LHFPL2: variants seen among roughly 807,000 people sequenced by gnomAD.
The protein encoded by LHFPL2 is LHFPL tetraspan subfamily member 2 protein.
LHFPL2 carries 7 observed loss-of-function variants against 17.5 expected under a neutral mutation model. The observed-to-expected ratio is 0.40, with a 90% CI of 0.23 to 0.75. LHFPL2 has a LOEUF of 0.75. LHFPL2 is among the 30% of genes least tolerant of loss of function. The pLI is 0.37. For synonymous variants in LHFPL2, 134 were observed against 116.2 expected (o/e 1.15, Z -0.99); for missense variants, 241 against 294.8 (o/e 0.82, Z 1.34).
chr5:78,529,112 GAAA>G (rs59230176), intron 3 of LHFPL2, among the ~76,000 whole-genome samples: 2 of 139,108 alleles, frequency 1.4e-5, no homozygotes, highest in Non-Finnish European at 1.6e-5. Flanking sequence ...CCACGTCTCT[GAAA>G]AAAAAAAAAA....
chr5:78,562,790 G>T (rs1397010780), intron 3 of LHFPL2, among the ~76,000 whole-genome samples: 1 of 152,132 alleles, frequency 6.6e-6, no homozygotes, highest in African/African-American at 2.4e-5. Context: ...GACAGAGAAG[G>T]CTGGTTTTAT....
chr5:78,569,590 T>C (rs893155771), intron 2 of LHFPL2, among the ~76,000 whole-genome samples: 2 of 152,186 alleles, frequency 1.3e-5, no homozygotes, highest in Non-Finnish European at 2.9e-5. Flanking sequence ...CATTGAAGGA[T>C]TGCTGAACCT....
chr5:78,610,089 G>A (rs953743386), intron 2 of LHFPL2, among the ~76,000 whole-genome samples: 2 of 152,116 alleles, frequency 1.3e-5, no homozygotes, highest in Admixed American at 1.3e-4. Context: ...CCTGCCAGGA[G>A]ATGAGCTGGG....
At chr5:78,514,766 G>C (rs1755241238) in intron 3 of LHFPL2, among the ~76,000 whole-genome samples, 1 of 152,176 alleles carries the variant, frequency 6.6e-6, no homozygotes, top group Non-Finnish European at 1.5e-5. Context: ...CACACCCAAA[G>C]AATGATGCCA....
At chr5:78,517,329 C>A (rs976952591) in intron 3 of LHFPL2, among the ~76,000 whole-genome samples, 1 of 152,176 alleles carries the variant, frequency 6.6e-6, no homozygotes, top group Non-Finnish European at 1.5e-5. Flanking sequence ...CCCATCCTGG[C>A]CAGTCATAGG....
chr5:78,551,207 C>A (rs573910210), intron 3 of LHFPL2, among the ~76,000 whole-genome samples: 2 of 152,306 alleles, frequency 1.3e-5, no homozygotes, highest in South Asian at 2.1e-4. Context: ...TGGGAAAAAA[C>A]ACCTCATAAA....
At chr5:78,535,422 G>A (rs1755918764) in intron 3 of LHFPL2, among the ~76,000 whole-genome samples, 1 of 152,112 alleles carries the variant, frequency 6.6e-6, no homozygotes, top group South Asian at 2.1e-4. Flanking sequence ...GCCTCCCAAA[G>A]GGAAGAGGGG....
At chr5:78,584,858 C>A (rs562021425) in intron 2 of LHFPL2, among the ~76,000 whole-genome samples, 1 of 152,144 alleles carries the variant, frequency 6.6e-6, no homozygotes, top group Admixed American at 6.5e-5. Flanking sequence ...CAAGCCTGGG[C>A]AATGGCGGGC....
At chr5:78,533,752 A>G (rs1755856724) in intron 3 of LHFPL2, among the ~76,000 whole-genome samples, 2 of 152,242 alleles carry the variant, frequency 1.3e-5, no homozygotes, top group South Asian at 4.1e-4. Flanking sequence ...CCAAGCATTT[A>G]TCAACACCTG....
intron 2 of LHFPL2, among the ~76,000 whole-genome samples, chr5:78,623,996 C>A (rs758944403): frequency 1.1e-4 from 17 of 152,188 alleles, no homozygotes; most frequent in Non-Finnish European, 2.1e-4. Flanking sequence ...CCCAGAATAA[C>A]AAAGTAACGA....
At chr5:78,611,098 G>T (rs888298562) in intron 2 of LHFPL2, among the ~76,000 whole-genome samples, 1 of 152,192 alleles carries the variant, frequency 6.6e-6, no homozygotes, top group Non-Finnish European at 1.5e-5. Context: ...CTTCTTCTAA[G>T]ACAATTTTGT....
At chr5:78,640,976 G>A (rs1276318543) in intron 1 of LHFPL2, among the ~76,000 whole-genome samples, 2 of 152,206 alleles carry the variant, frequency 1.3e-5, no homozygotes, top group Non-Finnish European at 2.9e-5. Context: ...AAAGAAGGTA[G>A]ATAAACCTCA....
At chr5:78,589,692 C>T (rs564434206) in intron 2 of LHFPL2, among the ~76,000 whole-genome samples, 1 of 152,318 alleles carries the variant, frequency 6.6e-6, no homozygotes, top group South Asian at 2.1e-4. Context: ...ACAGCACTCA[C>T]CACCCAGCAG....
chr5:78,641,924 C>CACACACATAT (rs1554061987), intron 1 of LHFPL2: 1 of 150,656 alleles, frequency 6.6e-6, no homozygotes, highest in African/African-American at 2.5e-5. Context: ...CACACACACA[C>CACACACATAT]ACACACACAC....
chr5:78,559,584 C>T (rs1756669664), intron 3 of LHFPL2, among the ~76,000 whole-genome samples: 1 of 152,174 alleles, frequency 6.6e-6, no homozygotes, highest in Non-Finnish European at 1.5e-5. Flanking sequence ...TCCATTTTGT[C>T]TTCACTGCAT....
chr5:78,585,608 CTAT>C (rs1338221372), intron 2 of LHFPL2, among the ~76,000 whole-genome samples: 1 of 152,144 alleles, frequency 6.6e-6, no homozygotes, highest in African/African-American at 2.4e-5. Flanking sequence ...GGAGTTGTTC[CTAT>C]TCAGCCATCT....
chr5:78,613,385 T>C (rs1339970454), intron 2 of LHFPL2, among the ~76,000 whole-genome samples: 1 of 152,214 alleles, frequency 6.6e-6, no homozygotes, highest in East Asian at 1.9e-4. Context: ...CAGCATTGTA[T>C]GGTGAGAAAA....
At chr5:78,592,818 T>C (rs1197599372) in intron 2 of LHFPL2, among the ~76,000 whole-genome samples, 1 of 152,116 alleles carries the variant, frequency 6.6e-6, no homozygotes, top group African/African-American at 2.4e-5. Flanking sequence ...GCTGAATTAC[T>C]CCTGGCCATC....
intron 3 of LHFPL2, among the ~76,000 whole-genome samples, chr5:78,538,874 A>G (rs1261245855): frequency 6.6e-6 from 1 of 152,226 alleles, no homozygotes; most frequent in Non-Finnish European, 1.5e-5. Context: ...TGTACTGTCC[A>G]GTGACCTAGC....
Sources: gnomAD v4.1 joint callset for allele counts (sites outside exome capture counted in the v4.1 genomes callset) on GRCh38, gnomAD v4.1.1 for gene constraint, MANE v1.5 for transcripts, NCBI Gene and HGNC (gene_info 2026-07-23, HGNC 2026-07-21) for gene names.